TTLL8: variants seen among roughly 807,000 people sequenced by gnomAD.
TTLL8 encodes tubulin tyrosine ligase like 8.
TTLL8 carries 65 observed loss-of-function variants against 77.8 expected under a neutral mutation model. The ratio of observed to expected loss-of-function variants is 0.84; its 90% CI spans 0.68 to 1.03. The LOEUF (loss-of-function observed/expected upper bound fraction) is 1.03. Among genes scored for constraint, TTLL8 ranks in the 50% least tolerant of loss-of-function variants. TTLL8 has a pLI of 0.00. For missense variants in TTLL8, 910 were observed against 1,004.5 expected (o/e 0.91, Z 1.27); for synonymous variants, 402 against 422.8 (o/e 0.95, Z 0.60).
chr22:50,022,307 C>A lies in TTLL8; in HGVS notation c.2204-5745G>T, dbSNP rs114875445. 5.4e-3 allele frequency among the ~76,000 whole-genome samples: 733 copies of A among 136,506 alleles called. 6 individuals are homozygous for A. Among genetic ancestry groups the A allele is most frequent in the African/African-American group, 0.02 (706 of 36,046 alleles). 89.6% of individuals were successfully genotyped at this position (136,506 alleles called of 152,430 possible). ...ACAATGTGCACTCCTCCATCTGATG[C>A]ACACTCCTCCGACGACGTGCACTCC... On this transcript the variant is annotated intron_variant, in intron 12 of 13. Transcript: ENST00000266182.
At chr22:50,053,669 C>A (rs1569235292) in intron 1 of TTLL8, among the ~76,000 whole-genome samples, 1 of 152,224 alleles carries the variant, frequency 6.6e-6, no homozygotes, top group South Asian at 2.1e-4. Flanking sequence ...GCCCAAAGGA[C>A]AGTGAGAGAA....
At chr22:50,049,964 G>A in intron 2 of TTLL8, 145 bp downstream of exon 4, 1 of 1,060,664 alleles carries the variant, frequency 9.4e-7, no homozygotes, top group Non-Finnish European at 1.2e-6. Flanking sequence ...GAGGCCAGGA[G>A]GGTGATGGAG....
exon 11 of TTLL8, chr22:50,031,901 C>T (rs145563109): frequency 7.5e-5 from 102 of 1,367,128 alleles, no homozygotes; most frequent in Non-Finnish European, 9.2e-5. Context: ...CGAGGCTCCA[C>T]GTGGTCCTGG....
At chr22:50,030,352 G>A (rs2061278003) in intron 12 of TTLL8, 78 bp downstream of exon 13, 2 of 1,199,128 alleles carry the variant, frequency 1.7e-6, no homozygotes, top group Admixed American at 3.3e-5. Flanking sequence ...TCTGGAGGAT[G>A]CAGCGGCTGC....
chr22:50,057,344 GTCT>G, upstream of TTLL8, among the ~76,000 whole-genome samples: 1 of 123,446 alleles, frequency 8.1e-6, no homozygotes, highest in East Asian at 2.4e-4. Flanking sequence ...TGTGAGTCAG[GTCT>G]GGGTTGTGAG....
At chr22:50,037,263 T>G (rs1601922313) in intron 8 of TTLL8, among the ~76,000 whole-genome samples, 1 of 151,984 alleles carries the variant, frequency 6.6e-6, no homozygotes, top group Admixed American at 6.6e-5. Context: ...TGGAGTGCAG[T>G]GGCGCCATCT....
intron 1 of TTLL8, among the ~76,000 whole-genome samples, chr22:50,052,359 G>A (rs1458996687): frequency 6.6e-6 from 1 of 152,166 alleles, no homozygotes; most frequent in African/African-American, 2.4e-5. Context: ...AATTCCTAAG[G>A]AAACCACCAA....
intron 8 of TTLL8, among the ~76,000 whole-genome samples, chr22:50,040,510 T>G (rs947277329): frequency 6.6e-6 from 1 of 152,230 alleles, no homozygotes; most frequent in African/African-American, 2.4e-5. Flanking sequence ...GTGACCCCTG[T>G]GGGGGTTCTC....
upstream of TTLL8, chr22:50,055,282 T>C (rs945482361): frequency 7.8e-7 from 1 of 1,290,028 alleles, no homozygotes; most frequent in African/African-American, 1.5e-5. Flanking sequence ...ATCTGTCTAA[T>C]CTGGAGGAAG....
intron 12 of TTLL8, among the ~76,000 whole-genome samples, chr22:50,027,321 C>G (rs1469144805): frequency 6.6e-6 from 1 of 151,588 alleles, no homozygotes; most frequent in Non-Finnish European, 1.5e-5. Flanking sequence ...ATTGCCTGAG[C>G]TTAGGAGTTT....
intron 9 of TTLL8, among the ~76,000 whole-genome samples, chr22:50,033,990 G>A (rs1042422528): frequency 1.3e-4 from 20 of 152,154 alleles, no homozygotes; most frequent in African/African-American, 4.6e-4. Flanking sequence ...GCAAGATTGC[G>A]CCACTGCACT....
intron 12 of TTLL8, among the ~76,000 whole-genome samples, chr22:50,023,551 A>G (rs1264114255): frequency 1.3e-5 from 2 of 151,888 alleles, no homozygotes; most frequent in Non-Finnish European, 2.9e-5. Context: ...TGGGCGTGGT[A>G]GTGTGCGCCT....
At chr22:50,032,713 G>T (rs985137764) in intron 10 of TTLL8, among the ~76,000 whole-genome samples, 1 of 152,214 alleles carries the variant, frequency 6.6e-6, no homozygotes, top group African/African-American at 2.4e-5. Context: ...AAGCCTTGGT[G>T]CAGACAGAGG....
At chr22:50,028,104 C>T (rs1601908075) in intron 12 of TTLL8, among the ~76,000 whole-genome samples, 1 of 152,192 alleles carries the variant, frequency 6.6e-6, no homozygotes, top group Admixed American at 6.5e-5. Flanking sequence ...CAGTCATCTG[C>T]GGGGACTCTG....
In TTLL8 at chr22:50,041,570, C is replaced by T. The variant is rs532618884; in HGVS notation, c.830+51G>A. On this transcript the variant is annotated intron_variant, in intron 7 of 13. Transcript: ENST00000266182. The surrounding 1 kb of genome is among the most constrained non-coding windows in gnomAD (Gnocchi z 4.3). Reference sequence around the variant, plus strand: ...GGCTGCACTGCCCCGGCAGCTCCTGCAATCTGCACTCACAGCTCCGACATG... The same window carrying T: ...GGCTGCACTGCCCCGGCAGCTCCTGTAATCTGCACTCACAGCTCCGACATG... 1.1e-5 allele frequency: 14 copies of T among 1,290,842 alleles called. No individual in the cohort carries two copies. The East Asian group carries it at 6.3e-4, about 58-fold the overall frequency. The allele number at this position is 1,290,842 out of a possible 1,614,324, so 80.0% of individuals were successfully genotyped here. A position where few individuals can be genotyped will look rare whatever the true frequency, so the allele number is the denominator to read the frequency against.
chr22:50,053,137 G>A (rs1048350872), intron 1 of TTLL8, among the ~76,000 whole-genome samples: 18 of 150,368 alleles, frequency 1.2e-4, no homozygotes, highest in South Asian at 4.2e-4. Flanking sequence ...CAGGAGAATC[G>A]CTTGAACCTG....
At chr22:50,055,159 C>A, upstream of TTLL8, 1 of 1,254,338 alleles carries the variant, frequency 8.0e-7, no homozygotes, top group Non-Finnish European at 1.0e-6. Context: ...GCCAGATGGA[C>A]AGATTCCAAG....
At chr22:50,049,536 G>A (rs544293550) in intron 2 of TTLL8, among the ~76,000 whole-genome samples, 133 of 152,286 alleles carry the variant, frequency 8.7e-4, no homozygotes, top group African/African-American at 3.0e-3. Context: ...AGCGTCCACC[G>A]CACAGCACCT....
chr22:50,051,937 G>A, intron 1 of TTLL8, among the ~76,000 whole-genome samples: 1 of 152,188 alleles, frequency 6.6e-6, no homozygotes, highest in Non-Finnish European at 1.5e-5. Context: ...TCTGCTCAAA[G>A]AAGACCATGC....
Sources: gnomAD v4.1 joint callset for allele counts (sites outside exome capture counted in the v4.1 genomes callset) on GRCh38, gnomAD v4.1.1 for gene constraint, Gnocchi (gnomAD v3.1) non-coding constraint, MANE v1.5 for transcripts, NCBI Gene and HGNC (gene_info 2026-07-23, HGNC 2026-07-21) for gene names.